TNS1: variants seen among roughly 807,000 people sequenced by gnomAD.
TNS1 encodes tensin 1, also known as tensin-1.
TNS1 carries 62 observed loss-of-function variants against 168.6 expected under a neutral mutation model. The ratio of observed to expected loss-of-function variants is 0.37; its 90% CI spans 0.30 to 0.45. TNS1 has a LOEUF of 0.45. TNS1 is among the 20% of genes least tolerant of loss of function. The probability of loss-of-function intolerance (pLI) is 1.00; values close to 1 mark genes in which losing one functional copy is unlikely to be tolerated. For synonymous variants in TNS1, 934 were observed against 933.2 expected (o/e 1.00, Z -0.02); for missense variants, 2,240 against 2,339.4 (o/e 0.96, Z 0.88).
intron 2 of TNS1, among the ~76,000 whole-genome samples, chr2:217,981,381 AC>A (rs1958044504): frequency 6.6e-6 from 1 of 152,220 alleles, no homozygotes; most frequent in Admixed American, 6.5e-5. Context: ...GCCTGACTGT[AC>A]AGGGCAGCCC....
At chr2:217,920,495 ATGCTGGGAGACTGGAGATCAC>A (rs1955604959) in intron 3 of TNS1, among the ~76,000 whole-genome samples, 1 of 152,134 alleles carries the variant, frequency 6.6e-6, no homozygotes, top group African/African-American at 2.4e-5. Context: ...AAATATGCAC[ATGCTGGGAGACTGGAGATCAC>A]TGCACCGGCA....
intron 18 of TNS1, among the ~76,000 whole-genome samples, chr2:217,855,212 C>A (rs749181066): frequency 1.1e-4 from 16 of 152,174 alleles, no homozygotes; most frequent in Non-Finnish European, 2.2e-4. Flanking sequence ...ACTTCCTTGT[C>A]CTCCATACCC....
chr2:217,829,185 G>A (rs563986068), intron 22 of TNS1, among the ~76,000 whole-genome samples: 4 of 150,714 alleles, frequency 2.7e-5, no homozygotes, highest in South Asian at 4.2e-4. Flanking sequence ...AGACCAGCCT[G>A]GCCAACATGG....
intron 3 of TNS1, among the ~76,000 whole-genome samples, chr2:217,944,295 C>A (rs937992432): frequency 6.6e-6 from 1 of 152,206 alleles, no homozygotes. Flanking sequence ...ATGTGGCTGC[C>A]CCTCCTTCAG....
Position 217,821,906 on chromosome 2 carries a change from T to G in TNS1, c.3406A>C (p.Thr1136Pro), listed in dbSNP as rs773961481. Residue 1136 changes from threonine to proline, a missense_variant, in exon 23 of 33, where the codon ACA becomes CCA. By Grantham distance (38) the Thr-to-Pro change is conservative. Coordinates refer to ENST00000682258, the MANE Select transcript of TNS1 (RefSeq NM_001387777.1). The stretch of plus-strand genomic sequence containing the variant: ...TGAGCTCGGGGTCCAGCCACCGCTG[T>G]CCGTGCCACAGACTCCACATAGCTC... ...PRSYVESVAR[T>P]AVAGPRAQDS... 13 of 1,589,100 alleles carry G rather than the reference T, an allele frequency of 8.2e-6. No individual in the cohort carries two copies. In the Admixed American group the frequency reaches 2.1e-4, roughly 26 times the overall value.
chr2:217,915,527 G>T (rs1954910152), intron 4 of TNS1, among the ~76,000 whole-genome samples: 1 of 152,200 alleles, frequency 6.6e-6, no homozygotes, highest in African/African-American at 2.4e-5. Context: ...CTAAGCCCAG[G>T]GGGTAGGTGC....
intron 18 of TNS1, among the ~76,000 whole-genome samples, chr2:217,874,798 C>T (rs1950074328): frequency 6.6e-6 from 1 of 152,186 alleles, no homozygotes; most frequent in African/African-American, 2.4e-5. Flanking sequence ...GACAATAATG[C>T]TATAATGAAA....
Position 217,921,328 on chromosome 2 carries a change from G to A in TNS1, c.187-1092C>T, listed in dbSNP as rs528654289. ...GAACAAGCCATGGATGTCCAAAGAG[G>A]GGGTAGCTGCCTCCCCCAGACAGTG... On this transcript the variant is annotated intron_variant, in intron 3 of 32. Coordinates refer to ENST00000682258, the MANE Select transcript of TNS1 (RefSeq NM_001387777.1). Among the ~76,000 whole-genome samples the A allele has an allele frequency of 1.5e-4, 23 of 152,272 alleles. No homozygotes were observed. In the South Asian group the frequency reaches 1.7e-3, roughly 11 times the overall value.
intron 3 of TNS1, among the ~76,000 whole-genome samples, chr2:217,929,628 T>C (rs958348068): frequency 6.6e-6 from 1 of 151,886 alleles, no homozygotes; most frequent in Admixed American, 6.6e-5. Flanking sequence ...CCTCCTGGCC[T>C]TCCTGCATGG....
At chr2:217,854,201 G>C (rs777745967) in intron 18 of TNS1, among the ~76,000 whole-genome samples, 1 of 152,166 alleles carries the variant, frequency 6.6e-6, no homozygotes, top group Non-Finnish European at 1.5e-5. Context: ...TGGGCTCTGA[G>C]ATCAAGAAAC....
intron 18 of TNS1, among the ~76,000 whole-genome samples, chr2:217,872,295 G>A (rs145006699): frequency 5.2e-4 from 79 of 152,264 alleles, no homozygotes; most frequent in Middle Eastern, 3.4e-3. Context: ...GAATATATCG[G>A]CAAATTATAT....
At chr2:217,949,193 G>C (rs1429956442) in intron 3 of TNS1, among the ~76,000 whole-genome samples, 1 of 152,198 alleles carries the variant, frequency 6.6e-6, no homozygotes, top group Non-Finnish European at 1.5e-5. Context: ...TCTTGGATTC[G>C]ATCTCCTCAT....
At chr2:217,852,600 G>A (rs528472005) in intron 18 of TNS1, among the ~76,000 whole-genome samples, 232 of 152,252 alleles carry the variant, frequency 1.5e-3, no homozygotes, top group African/African-American at 5.3e-3. Flanking sequence ...AACTATGAAG[G>A]CATCCCCCAG....
Position 217,804,578 on chromosome 2 carries a change from G to T in TNS1, c.5401C>A (p.Gln1801Lys), listed in dbSNP as rs61740053. ...AKLFGFVARK[Q>K]GSTTDNACHL... ...CAGGCGTTGTCCGTGGTGCTGCCCTGCTTCCGGGCCACGAAGCCGAAGAGC... is the reference window on the plus strand; with the variant it reads ...CAGGCGTTGTCCGTGGTGCTGCCCTTCTTCCGGGCCACGAAGCCGAAGAGC... The change falls in exon 33 of 33, where the codon CAG (glutamine) becomes AAG (lysine). Residue 1801 changes from glutamine (Q) to lysine (K), a missense_variant. Gln to Lys is a moderately conservative substitution (Grantham distance 53). This residue lies in a region of TNS1 where 109 missense variants were observed against 168.1 expected (regional missense o/e 0.65). Transcript: ENST00000682258. The T allele has an allele frequency of 6.2e-7, 1 of 1,614,012 alleles. No individual in the cohort carries two copies. The highest frequency in any genetic ancestry group is 1.3e-5 in the African/African-American group (1 of 74,940).
At chr2:217,903,537 A>G (rs1953273449) in intron 6 of TNS1, 1 of 1,517,950 alleles carries the variant, frequency 6.6e-7, no homozygotes, top group Admixed American at 2.0e-5. Context: ...CTCTCAAGAC[A>G]CAGGTTGATT....
intron 4 of TNS1, among the ~76,000 whole-genome samples, chr2:217,915,791 C>T (rs1411636778): frequency 6.6e-6 from 1 of 152,226 alleles, no homozygotes; most frequent in African/African-American, 2.4e-5. Flanking sequence ...GAACAAGGCA[C>T]CCAGTTTGCT....
chr2:217,897,963 CATGTTT>C lies in TNS1; in HGVS notation c.372_377del (p.Asn125_Met126del). ...TGTCCTCCATGGTCCGGCTCACACT[CATGTTT>C]CTAGGGAGACAGCAGGCAGCGGAGG... On this transcript the variant is annotated inframe_deletion and splice_region_variant, in exon 8 of 33. Coordinates refer to ENST00000682258, the MANE Select transcript of TNS1 (RefSeq NM_001387777.1). 6.2e-7 allele frequency: 1 copy of C among 1,604,778 alleles called. No homozygotes were observed. The highest frequency in any genetic ancestry group is 8.5e-7 in the Non-Finnish European group (1 of 1,175,880).
chr2:217,948,080 A>T lies in TNS1; in HGVS notation c.187-27844T>A, dbSNP rs985833814. Among the ~76,000 whole-genome samples, 11 of 152,202 alleles carry T rather than the reference A, an allele frequency of 7.2e-5. No individual in the cohort carries two copies. The highest frequency in any genetic ancestry group is 1.0e-4 in the Non-Finnish European group (7 of 68,022). ...ACCAGGTAACACAACTAGGAATTCC[A>T]GGTCCCAGCACTACCTCCGGAGGGC... On this transcript the variant is annotated intron_variant, in intron 3 of 32. Coordinates refer to ENST00000682258, the MANE Select transcript of TNS1 (RefSeq NM_001387777.1). This position sits in a 1 kb window ranked among gnomAD's most constrained non-coding sequence, Gnocchi z 4.1.
chr2:218,009,427 C>A (rs992508091), intron 1 of TNS1, among the ~76,000 whole-genome samples: 1 of 152,070 alleles, frequency 6.6e-6, no homozygotes, highest in African/African-American at 2.4e-5. Context: ...CAACATCAAG[C>A]ATCCTCTCTG....
Sources: gnomAD v4.1 joint callset for allele counts (sites outside exome capture counted in the v4.1 genomes callset) on GRCh38, gnomAD v4.1.1 for gene constraint, gnomAD v4.1.1 regional missense constraint, Gnocchi (gnomAD v3.1) non-coding constraint, MANE v1.5 for transcripts, NCBI Gene and HGNC (gene_info 2026-07-23, HGNC 2026-07-21) for gene names.